The following AKAP6 variants were observed in gnomAD, a reference collection of about 807,000 sequenced individuals.
AKAP6 encodes A-kinase anchor protein 6.
A neutral mutation model predicts 188.5 loss-of-function variants in AKAP6; 58 were observed. That is an observed-to-expected ratio of 0.31 (90% confidence interval 0.25 to 0.38). AKAP6 has a LOEUF of 0.38. Ranked by LOEUF, AKAP6 falls within the 10% of genes least tolerant of loss-of-function variation. The pLI is 1.00. For synonymous variants in AKAP6, 989 were observed against 998.6 expected (o/e 0.99, Z 0.18); for missense variants, 2,710 against 2,740.0 (o/e 0.99, Z 0.24).
intron 2 of AKAP6, among the ~76,000 whole-genome samples, chr14:32,511,259 G>A (rs1220800426): frequency 6.6e-6 from 1 of 152,072 alleles, no homozygotes; most frequent in Non-Finnish European, 1.5e-5. Context: ...AGTCTGATTA[G>A]TGTCACAAAG....
chr14:32,439,320 G>T (rs998856244), intron 2 of AKAP6, among the ~76,000 whole-genome samples: 1 of 152,208 alleles, frequency 6.6e-6, no homozygotes, highest in African/African-American at 2.4e-5. Context: ...GATGTTGGAA[G>T]TCCAAGGATA....
chr14:32,803,700 G>T (rs761251301), intron 12 of AKAP6, among the ~76,000 whole-genome samples: 1 of 151,244 alleles, frequency 6.6e-6, no homozygotes, highest in Non-Finnish European at 1.5e-5. Context: ...CTCTTCTTTC[G>T]CTCTAGGCAA....
chr14:32,375,693 G>A (rs975136384), intron 1 of AKAP6, among the ~76,000 whole-genome samples: 2 of 152,106 alleles, frequency 1.3e-5, no homozygotes, highest in South Asian at 2.1e-4. Flanking sequence ...TGGGCTCATC[G>A]AATCCTTCCT....
chr14:32,410,358 C>T (rs1889441431), intron 1 of AKAP6, among the ~76,000 whole-genome samples: 1 of 152,122 alleles, frequency 6.6e-6, no homozygotes, highest in Admixed American at 6.5e-5. Context: ...AAACTTAACC[C>T]ATTGTCAACC....
At chr14:32,785,163 C>G (rs1280030487) in intron 12 of AKAP6, among the ~76,000 whole-genome samples, 1 of 151,964 alleles carries the variant, frequency 6.6e-6, no homozygotes, top group South Asian at 2.1e-4. Flanking sequence ...GCTCTTTTTT[C>G]TCTATTGCAT....
chr14:32,354,033 C>T (rs1383992877), intron 1 of AKAP6, among the ~76,000 whole-genome samples: 1 of 152,094 alleles, frequency 6.6e-6, no homozygotes, highest in Non-Finnish European at 1.5e-5. Flanking sequence ...GCCATACTGC[C>T]CAAGGTAATT....
chr14:32,684,933 G>A (rs117221169), intron 8 of AKAP6, among the ~76,000 whole-genome samples: 1,994 of 152,262 alleles, frequency 0.013, 20 homozygotes, highest in Middle Eastern at 0.02. Context: ...TGTAGTGAGA[G>A]AGAGAGACAT....
At chr14:32,390,715 C>T (rs1006401571) in intron 1 of AKAP6, among the ~76,000 whole-genome samples, 3 of 152,094 alleles carry the variant, frequency 2.0e-5, no homozygotes, top group Admixed American at 6.6e-5. Flanking sequence ...CTGTGGGTCT[C>T]TCAGCTGTGG....
chr14:32,355,349 T>C (rs929499723), intron 1 of AKAP6, among the ~76,000 whole-genome samples: 2 of 152,228 alleles, frequency 1.3e-5, no homozygotes, highest in East Asian at 3.8e-4. Flanking sequence ...TACCTCATTA[T>C]TCTTAGTCCC....
intron 2 of AKAP6, among the ~76,000 whole-genome samples, chr14:32,468,887 T>G (rs576192317): frequency 6.6e-6 from 1 of 152,300 alleles, no homozygotes; most frequent in African/African-American, 2.4e-5. Flanking sequence ...ATACTGATTT[T>G]AGAGCATCTG....
intron 11 of AKAP6, among the ~76,000 whole-genome samples, chr14:32,747,042 A>T (rs2139888690): frequency 6.6e-6 from 1 of 152,326 alleles, no homozygotes; most frequent in South Asian, 2.1e-4. Flanking sequence ...GAAAAGAGCT[A>T]AGCAGTTCAT....
intron 12 of AKAP6, among the ~76,000 whole-genome samples, chr14:32,797,855 C>A (rs1433101010): frequency 6.8e-6 from 1 of 147,600 alleles, no homozygotes. Flanking sequence ...GCAAAGATAT[C>A]ATCATAACTA....
chr14:32,731,295 C>G (rs2031164061), intron 9 of AKAP6, among the ~76,000 whole-genome samples: 1 of 152,070 alleles, frequency 6.6e-6, no homozygotes. Context: ...CCTTCTTTTC[C>G]TTTAATCTGC....
intron 12 of AKAP6, among the ~76,000 whole-genome samples, chr14:32,814,129 G>C (rs939225471): frequency 3.9e-5 from 6 of 152,130 alleles, no homozygotes; most frequent in Non-Finnish European, 8.8e-5. Context: ...CTACCTTCTA[G>C]CACATCCTGT....
Position 32,620,200 on chromosome 14 carries a change from T to C in AKAP6, c.2730+19408T>C, listed in dbSNP as rs141365981. Among the ~76,000 whole-genome samples the C allele has an allele frequency of 4.0e-3, 608 of 152,298 alleles. 4 individuals are homozygous for C. The highest frequency in any genetic ancestry group is 0.012 in the African/African-American group (518 of 41,584). ...TCTCTGGGTAGGACTTCTAGTACTATGTTGAATAGAAGTGGTGAAAGTGGG... is the reference window on the plus strand; with the variant it reads ...TCTCTGGGTAGGACTTCTAGTACTACGTTGAATAGAAGTGGTGAAAGTGGG... On this transcript the variant is annotated intron_variant, in intron 7 of 13. Transcript: ENST00000280979.
chr14:32,814,156 A>G (rs2034319564), intron 12 of AKAP6, among the ~76,000 whole-genome samples: 1 of 152,198 alleles, frequency 6.6e-6, no homozygotes, highest in South Asian at 2.1e-4. Flanking sequence ...TTCTTCATGC[A>G]CTGGCCTCTA....
chr14:32,438,122 G>A (rs561309727), intron 2 of AKAP6, among the ~76,000 whole-genome samples: 15 of 152,154 alleles, frequency 9.9e-5, no homozygotes, highest in African/African-American at 3.1e-4. Flanking sequence ...CATAAGGAAG[G>A]CTGCTCAATG....
chr14:32,794,269 G>A (rs2140065118), intron 12 of AKAP6, among the ~76,000 whole-genome samples: 1 of 152,204 alleles, frequency 6.6e-6, no homozygotes, highest in South Asian at 2.1e-4. Flanking sequence ...AAATCAAGAA[G>A]TTATTTGCTA....
intron 1 of AKAP6, among the ~76,000 whole-genome samples, chr14:32,393,570 A>G (rs1483113588): frequency 6.6e-6 from 1 of 152,170 alleles, no homozygotes; most frequent in African/African-American, 2.4e-5. Context: ...TCTGGTTTTG[A>G]CAAGTACTGT....
Sources: gnomAD v4.1 joint callset for allele counts (sites outside exome capture counted in the v4.1 genomes callset) on GRCh38, gnomAD v4.1.1 for gene constraint, MANE v1.5 for transcripts, NCBI Gene and HGNC (gene_info 2026-07-23, HGNC 2026-07-21) for gene names.